Variants in TNRC18 observed in about 807,000 individuals in gnomAD.
The protein encoded by TNRC18 is trinucleotide repeat-containing gene 18 protein.
Under a neutral mutation model 226.7 loss-of-function variants are expected in TNRC18, and 69 were observed. The ratio of observed to expected loss-of-function variants is 0.30; its 90% CI spans 0.25 to 0.37. TNRC18 has a LOEUF of 0.37. Among genes scored for constraint, TNRC18 ranks in the 10% least tolerant of loss-of-function variants. TNRC18 has a pLI of 1.00. For synonymous variants in TNRC18, 2,449 were observed against 1,927.6 expected (o/e 1.27, Z -7.09); for missense variants, 4,754 against 4,256.6 (o/e 1.12, Z -3.25).
chr7:5,390,415 T>C (rs532941674), intron 4 of TNRC18, 70 bp downstream of exon 4: 1 of 1,540,192 alleles, frequency 6.5e-7, no homozygotes, highest in Non-Finnish European at 8.9e-7. Flanking sequence ...GCTACCTGGA[T>C]GCTGCCAAAG....
chr7:5,360,059 G>A (rs953533857), intron 14 of TNRC18, among the ~76,000 whole-genome samples: 2 of 152,014 alleles, frequency 1.3e-5, no homozygotes, highest in Non-Finnish European at 1.5e-5. Context: ...CACAGACATG[G>A]CTTAGAAGCC....
Position 5,377,517 on chromosome 7 carries a change from C to A in TNRC18, c.2315G>T (p.Gly772Val), listed in dbSNP as rs1467097993. ...RLHPTSCAPNGLNPNLMVTGG... is the reference protein window; with the variant it reads ...RLHPTSCAPNVLNPNLMVTGG... The stretch of plus-strand genomic sequence containing the variant: ...CGTCACCATGAGGTTGGGGTTCAGG[C>A]CGTTAGGAGCACAGCTGGTAGGGTG... Residue 772 changes from glycine (G) to valine (V), a missense_variant, in exon 7 of 30, where the codon GGC becomes GTC. Physicochemically the swap from Gly to Val is moderately radical, Grantham distance 109. Transcript: ENST00000430969. The surrounding 1 kb of genome is among the most constrained non-coding windows in gnomAD (Gnocchi z 5.8). 1 of 1,588,236 alleles carries A rather than the reference C, an allele frequency of 6.3e-7. No homozygotes were observed. Among genetic ancestry groups the A allele is most frequent in the Non-Finnish European group, 8.6e-7 (1 of 1,167,938 alleles).
chr7:5,388,141 C>G lies in TNRC18; in HGVS notation c.1683G>C (p.Ser561=), dbSNP rs1453878506. The part of the protein sequence containing the change: ...YLDPGAVLPR[S]AATCGRPVAD... ...CGACCGGCCGGCCGCAGGTGGCCGCCGAGCGGGGCAGCACAGCCCCAGGGT... is the reference window on the plus strand; with the variant it reads ...CGACCGGCCGGCCGCAGGTGGCCGCGGAGCGGGGCAGCACAGCCCCAGGGT... Residue 561 remains serine (S), a synonymous_variant, in exon 5 of 30, where the codon TCG becomes TCC. Transcript: ENST00000430969. 6.4e-7 allele frequency: 1 copy of G among 1,560,020 alleles called. No individual in the cohort carries two copies. The highest frequency in any genetic ancestry group is 1.2e-5 in the South Asian group (1 of 85,196).
At chr7:5,373,194 C>A (rs546410938) in intron 10 of TNRC18, among the ~76,000 whole-genome samples, 1 of 152,066 alleles carries the variant, frequency 6.6e-6, no homozygotes, top group African/African-American at 2.4e-5. Flanking sequence ...TCCAGTGATG[C>A]GTGCCTATGG....
intron 24 of TNRC18, among the ~76,000 whole-genome samples, chr7:5,318,694 G>A (rs1437524736): frequency 2.0e-5 from 3 of 152,098 alleles, no homozygotes; most frequent in Non-Finnish European, 4.4e-5. Context: ...CTCCTACAAT[G>A]ATTTTGGAAT....
intron 5 of TNRC18, among the ~76,000 whole-genome samples, chr7:5,381,155 C>T (rs1779372918): frequency 6.6e-6 from 1 of 152,216 alleles, no homozygotes; most frequent in African/African-American, 2.4e-5. Flanking sequence ...CCTCAAGGGC[C>T]ACAGCCCCAG....
chr7:5,407,249 G>C (rs1461390324), intron 2 of TNRC18: 1 of 152,368 alleles, frequency 6.6e-6, no homozygotes, highest in Admixed American at 6.5e-5. Flanking sequence ...GTGAGAGTCC[G>C]AGGCTGCAGT....
intron 5 of TNRC18, among the ~76,000 whole-genome samples, chr7:5,380,156 G>T (rs1779296988): frequency 6.6e-6 from 1 of 152,068 alleles, no homozygotes; most frequent in Admixed American, 6.6e-5. Context: ...CTAATAAGCA[G>T]CACCCCAGGC....
At chr7:5,317,563 C>A (rs1001029747) in intron 24 of TNRC18, among the ~76,000 whole-genome samples, 4 of 151,772 alleles carry the variant, frequency 2.6e-5, no homozygotes, top group African/African-American at 4.8e-5. Flanking sequence ...CGCACTCTGG[C>A]CTGGGTGACA....
In TNRC18 at chr7:5,377,918, T is replaced by C. The variant is rs900552916; in HGVS notation, c.2255+4A>G. On this transcript the variant is annotated splice_donor_region_variant and intron_variant, in intron 6 of 29. Coordinates refer to ENST00000430969, the MANE Select transcript of TNRC18 (RefSeq NM_001080495.3). The surrounding 1 kb of genome is among the most constrained non-coding windows in gnomAD (Gnocchi z 5.8). ...AGACCCTCAGGATCCCCCGACACCC[T>C]CACCTGAGCAGCTTCTCCTGATCCC... 6.2e-7 allele frequency: 1 copy of C among 1,611,746 alleles called. No homozygotes were observed. The highest frequency in any genetic ancestry group is 1.3e-5 in the African/African-American group (1 of 74,310).
In TNRC18 at chr7:5,371,167, G is replaced by A; in HGVS notation, c.3427C>T (p.Pro1143Ser). The change falls in exon 11 of 30, where the codon CCG (proline) becomes TCG (serine). Residue 1143 changes from proline (P) to serine (S), a missense_variant. Transcript: ENST00000430969. The stretch of plus-strand genomic sequence containing the variant: ...TCTTCCTCCGGGCCCTCCCGCAGCG[G>A]CTCTGTGATCTTGGAGGGGGACAAG... ...IRLSPSKITE[P>S]LREGPEEEPL... 1 of 1,607,342 alleles carries A rather than the reference G, an allele frequency of 6.2e-7. No homozygotes were observed. The highest frequency in any genetic ancestry group is 1.1e-5 in the South Asian group (1 of 90,766).
At chr7:5,398,207 G>A (rs1179916198) in intron 2 of TNRC18, among the ~76,000 whole-genome samples, 2 of 151,092 alleles carry the variant, frequency 1.3e-5, no homozygotes. Context: ...TTTCGCTCTT[G>A]TTGCCCAGGG....
intron 17 of TNRC18, among the ~76,000 whole-genome samples, chr7:5,351,287 G>C (rs1365376040): frequency 6.6e-6 from 1 of 152,040 alleles, no homozygotes; most frequent in Non-Finnish European, 1.5e-5. Flanking sequence ...AGGCACACAG[G>C]TTTAGTTAAA....
Position 5,332,837 on chromosome 7 carries a change from TG to T in TNRC18, c.5931del (p.Lys1978ArgfsTer55). 1 of 1,509,380 alleles carries T rather than the reference TG, an allele frequency of 6.6e-7. No homozygotes were observed. Among genetic ancestry groups the T allele is most frequent in the Non-Finnish European group, 8.8e-7 (1 of 1,138,112 alleles). The allele number at this position is 1,509,380 out of a possible 1,614,324, so 93.5% of individuals were successfully genotyped here. On this transcript the variant is annotated frameshift_variant, in exon 19 of 30. Transcript: ENST00000430969. LOFTEE classifies it high-confidence loss of function. ...KGRKARKLRG[P>X]KEPGFEAGPE... ...GGCCCCGCCTCGAAGCCAGGCTCCT[TG>T]GGGCCCCGCAGCTTCCGGGCCTTGC...
intron 2 of TNRC18, chr7:5,407,175 G>C (rs1214744373): frequency 6.6e-6 from 1 of 152,332 alleles, no homozygotes; most frequent in African/African-American, 2.4e-5. Flanking sequence ...CACTGCGGCT[G>C]GGCTATCAGA....
intron 19 of TNRC18, among the ~76,000 whole-genome samples, chr7:5,328,906 C>G (rs1255753672): frequency 6.6e-6 from 1 of 152,154 alleles, no homozygotes; most frequent in Non-Finnish European, 1.5e-5. Context: ...AGGAAAACTG[C>G]TCGAACTTGG....
chr7:5,339,584 G>A (rs1006637564), intron 18 of TNRC18, among the ~76,000 whole-genome samples: 2 of 133,562 alleles, frequency 1.5e-5, no homozygotes, highest in Non-Finnish European at 3.1e-5. Flanking sequence ...TGTGTTTTTC[G>A]ACAGAGTGTC....
intron 29 of TNRC18, among the ~76,000 whole-genome samples, 187 bp downstream of exon 29, chr7:5,308,688 G>C (rs1254402651): frequency 6.6e-6 from 1 of 152,192 alleles, no homozygotes; most frequent in Admixed American, 6.5e-5. Flanking sequence ...AAGACCCAGA[G>C]ACAGACGCAC....
chr7:5,410,197 G>A (rs1210953655), intron 2 of TNRC18, among the ~76,000 whole-genome samples: 1 of 150,306 alleles, frequency 6.7e-6, no homozygotes, highest in African/African-American at 2.4e-5. Flanking sequence ...TGAAATCCCA[G>A]CTACTCGGGA....
Sources: gnomAD v4.1 joint callset for allele counts (sites outside exome capture counted in the v4.1 genomes callset) on GRCh38, gnomAD v4.1.1 for gene constraint, Gnocchi (gnomAD v3.1) non-coding constraint, MANE v1.5 for transcripts, NCBI Gene and HGNC (gene_info 2026-07-23, HGNC 2026-07-21) for gene names.